MCM6: variants seen among roughly 807,000 people sequenced by gnomAD.
The protein encoded by MCM6 is DNA replication licensing factor MCM6.
In MCM6, 46 loss-of-function variants were observed where a neutral mutation model predicts 94.3. That is an observed-to-expected ratio of 0.49 (90% CI 0.39 to 0.62). MCM6 has a LOEUF of 0.62. MCM6 is among the 20% of genes least tolerant of loss of function. MCM6 has a pLI of 0.00. For synonymous variants in MCM6, 335 were observed against 351.9 expected, an observed-to-expected ratio of 0.95 and a Z score of 0.54; for missense variants, 865 against 1,017.9, an observed-to-expected ratio of 0.85 and a Z score of 2.04.
intron 7 of MCM6, among the ~76,000 whole-genome samples, chr2:135,864,357 T>C (rs1307461099): frequency 6.6e-6 from 1 of 152,016 alleles, no homozygotes; most frequent in African/African-American, 2.4e-5. Context: ...CAAGAGCCAA[T>C]GTGGTGACCT....
At chr2:135,845,454 C>A (rs574196646) in intron 15 of MCM6, among the ~76,000 whole-genome samples, 2 of 152,168 alleles carry the variant, frequency 1.3e-5, no homozygotes, top group African/African-American at 4.8e-5. Flanking sequence ...AAAGCTGAGG[C>A]GTCCTAGTGG....
intron 16 of MCM6, among the ~76,000 whole-genome samples, chr2:135,843,264 C>T (rs13419665): frequency 1.3e-5 from 2 of 152,088 alleles, no homozygotes; most frequent in Non-Finnish European, 2.9e-5. Context: ...ACATTAAGCA[C>T]GAGATGCCTG....
intron 1 of MCM6, 140 bp from the exon 2 acceptor site, chr2:135,872,983 T>C: frequency 1.0e-6 from 1 of 970,564 alleles, no homozygotes; most frequent in Admixed American, 2.5e-5. Flanking sequence ...TGGGGCAAGT[T>C]ACTCCTCCCT....
Position 135,866,160 on chromosome 2 carries a change from G to C in MCM6, c.899C>G (p.Ala300Gly), listed in dbSNP as rs530937537. Residue 300 changes from alanine to glycine, a missense_variant, in exon 6 of 17, where the codon GCC (alanine) becomes GGC (glycine). By Grantham distance (60) the Ala-to-Gly change is moderately conservative. Around this residue, in one of 3 missense-constraint regions of MCM6, gnomAD observed 404 missense variants for 451.9 expected, o/e 0.89. Transcript: ENST00000264156. ...RDLSYRLVFL[A>G]CCVAPTNPRF... ...TGGGTTGGTTGGCGCAACACAGCAG[G>C]CAAGAAAGACCAGCCTATAAGAAAG... is the stretch of plus-strand genomic sequence containing the variant. 1.4e-5 allele frequency: 23 copies of C among 1,614,106 alleles called. No homozygotes were observed. In the South Asian group the frequency reaches 2.4e-4, roughly 17 times the overall value.
At chr2:135,854,261 G>A (rs1168365193) in intron 11 of MCM6, among the ~76,000 whole-genome samples, 2 of 151,648 alleles carry the variant, frequency 1.3e-5, no homozygotes, top group African/African-American at 4.8e-5. Flanking sequence ...GGCTGGGCCC[G>A]GTGGCTCACG....
At chr2:135,867,026 T>C (rs1357431622) in intron 4 of MCM6, among the ~76,000 whole-genome samples, 5 of 152,304 alleles carry the variant, frequency 3.3e-5, no homozygotes, top group Non-Finnish European at 2.9e-5. Flanking sequence ...TTGTTCAAAA[T>C]GACTCCAAAT....
At chr2:135,876,213 C>G (rs1327086083) in intron 1 of MCM6, 46 bp downstream of exon 1, 3 of 1,480,350 alleles carry the variant, frequency 2.0e-6, no homozygotes, top group East Asian at 2.6e-5. Flanking sequence ...GCCCAGACGC[C>G]GCAGGCTCCG....
intron 8 of MCM6, among the ~76,000 whole-genome samples, chr2:135,859,954 C>A (rs309173): frequency 3.3e-5 from 5 of 151,708 alleles, no homozygotes; most frequent in African/African-American, 9.7e-5. Context: ...CAGGTGTGCG[C>A]CACTATGCCC....
intron 8 of MCM6, 73 bp from the exon 9 acceptor site, chr2:135,859,515 A>G: frequency 1.9e-6 from 2 of 1,069,908 alleles, no homozygotes; most frequent in Non-Finnish European, 2.7e-6. Flanking sequence ...AACCAGCAGA[A>G]GAGTTTAAAT....
intron 15 of MCM6, 117 bp downstream of exon 15, chr2:135,846,120 T>G: frequency 9.9e-7 from 1 of 1,014,626 alleles, no homozygotes; most frequent in African/African-American, 1.6e-5. Flanking sequence ...TGAGTTTATC[T>G]AACAACTTAT....
At chr2:135,856,612 G>A (rs1679896593) in intron 11 of MCM6, 116 bp downstream of exon 11, 4 of 1,060,714 alleles carry the variant, frequency 3.8e-6, no homozygotes, top group Non-Finnish European at 4.0e-6. Context: ...GTGCCACCCT[G>A]AGGGAAATCA....
chr2:135,870,497 T>TG, intron 2 of MCM6, 136 bp from the exon 3 acceptor site: 1 of 600,320 alleles, frequency 1.7e-6, no homozygotes, highest in South Asian at 2.2e-5. Context: ...TGTAGGACAC[T>TG]TCTATTATCT....
intron 9 of MCM6, among the ~76,000 whole-genome samples, chr2:135,858,284 C>T (rs899134365): frequency 1.5e-4 from 23 of 152,070 alleles, no homozygotes; most frequent in African/African-American, 5.6e-4. Context: ...GTCAAGAGTT[C>T]GAGACCAGCC....
intron 12 of MCM6, among the ~76,000 whole-genome samples, chr2:135,852,245 GA>G (rs1272324348): frequency 6.6e-6 from 1 of 152,144 alleles, no homozygotes; most frequent in African/African-American, 2.4e-5. Context: ...CCAACAGTGT[GA>G]AAATCTCAAC....
rs1679843103 is a variant in MCM6, at chr2:135,854,817, G to A, written c.1627-1902C>T. Among the ~76,000 whole-genome samples the A allele has an allele frequency of 2.0e-5, 3 of 152,100 alleles. No homozygotes were observed. In the South Asian group the frequency reaches 6.2e-4, roughly 32 times the overall value. On this transcript the variant is annotated intron_variant, in intron 11 of 16. Coordinates refer to ENST00000264156, the MANE Select transcript of MCM6 (RefSeq NM_005915.6). The stretch of plus-strand genomic sequence containing the variant: ...TAGCCCAGGAGGCTGAGGCTGCAGT[G>A]AGCCATGATCACGCCACTGCAGGAA...
intron 11 of MCM6, among the ~76,000 whole-genome samples, chr2:135,856,269 C>G (rs907369723): frequency 6.6e-6 from 1 of 151,932 alleles, no homozygotes; most frequent in African/African-American, 2.4e-5. Flanking sequence ...ATGGTGAGAC[C>G]CTGTCTGTAC....
chr2:135,872,642 T>G, intron 2 of MCM6, 55 bp downstream of exon 2: 1 of 1,563,748 alleles, frequency 6.4e-7, no homozygotes, highest in Non-Finnish European at 8.8e-7. Context: ...CAAGAAGAGC[T>G]GGCTTCCCGG....
chr2:135,854,856 G>A (rs925712511), intron 11 of MCM6, among the ~76,000 whole-genome samples: 2 of 151,602 alleles, frequency 1.3e-5, no homozygotes, highest in Non-Finnish European at 2.9e-5. Flanking sequence ...GTGGGACCCT[G>A]TCTCAAAAAC....
chr2:135,873,575 G>A (rs183201151), intron 1 of MCM6, among the ~76,000 whole-genome samples: 49 of 152,168 alleles, frequency 3.2e-4, no homozygotes, highest in Middle Eastern at 3.4e-3. Context: ...ATGCAGATTC[G>A]CCTTAAGAAA....
Sources: allele counts gnomAD v4.1 joint callset (sites outside exome capture counted in the v4.1 genomes callset), GRCh38; gene constraint gnomAD v4.1.1; regional missense constraint gnomAD v4.1.1; transcripts MANE v1.5; gene names NCBI Gene and HGNC (gene_info 2026-07-23, HGNC 2026-07-21).